Variants in DDX4 observed in about 807,000 individuals in gnomAD.
The protein encoded by DDX4 is DEAD-box helicase 4, also known as probable ATP-dependent RNA helicase DDX4.
In DDX4, 25 loss-of-function variants were observed where a neutral mutation model predicts 100.0. The observed-to-expected ratio is 0.25, with a 90% CI of 0.18 to 0.35. The LOEUF is 0.35. DDX4 is among the 10% of genes least tolerant of loss of function. DDX4 has a pLI of 1.00. For synonymous variants in DDX4, 259 were observed against 275.7 expected, an observed-to-expected ratio of 0.94 and a Z score of 0.60; for missense variants, 635 against 882.4, an observed-to-expected ratio of 0.72 and a Z score of 3.55.
In DDX4 at chr5:55,798,503, A is replaced by G. The variant is rs1477766612; in HGVS notation, c.1547A>G (p.Gln516Arg). 3 of 1,612,930 alleles carry G rather than the reference A, an allele frequency of 1.9e-6. No individual in the cohort carries two copies. Among genetic ancestry groups the G allele is most frequent in the Admixed American group, 3.3e-5 (2 of 59,926 alleles). ...GTGGGTGGAGCATGTAGAGATGTTC[A>G]GCAGACCGTTCTCCAAGTTGGCCAG... ...GQVGGACRDV[Q>R]QTVLQVGQFS... The change falls in exon 18 of 22, where the codon CAG (glutamine) becomes CGG (arginine). Residue 516 changes from glutamine (Q) to arginine (R), a missense_variant. Gln to Arg is a conservative substitution (Grantham distance 43). Around this residue, in one of 4 missense-constraint regions of DDX4, gnomAD observed 115 missense variants for 224.7 expected, o/e 0.51. Transcript: ENST00000505374.
rs147849325 is a variant in DDX4 at position 55,749,508 on chromosome 5, C to T, written c.127+3287C>T. On this transcript the variant is annotated intron_variant, in intron 3 of 21. Transcript: ENST00000505374. ...ATTAAAATCCTGGTTAGAAAGTCAG[C>T]TCTGTGCAGGGACGCACTGATGGGC... 5.9e-5 allele frequency among the ~76,000 whole-genome samples: 9 copies of T among 152,266 alleles called. No homozygotes were observed. The East Asian group carries it at 1.5e-3, about 26-fold the overall frequency.
chr5:55,764,000 T>A lies in DDX4; in HGVS notation c.284-14T>A, dbSNP rs776766491. 7.5e-6 allele frequency: 12 copies of A among 1,592,800 alleles called. No homozygotes were observed. In the South Asian group the frequency reaches 1.3e-4, roughly 18 times the overall value. On this transcript the variant is annotated splice_polypyrimidine_tract_variant and intron_variant, in intron 5 of 21. Transcript: ENST00000505374. ...AGAGGTACAGGAAATTGTTTCATTT[T>A]ATATTTTGTATAGGTTTTTCAAACA...
intron 18 of DDX4, among the ~76,000 whole-genome samples, chr5:55,805,653 C>G (rs1278479428): frequency 3.3e-5 from 5 of 152,178 alleles, no homozygotes; most frequent in African/African-American, 1.2e-4. Context: ...TTGAACCAGC[C>G]TTGCATCCCA....
intron 3 of DDX4, among the ~76,000 whole-genome samples, chr5:55,753,439 C>T (rs1010466468): frequency 1.1e-4 from 16 of 152,036 alleles, no homozygotes; most frequent in African/African-American, 3.6e-4. Flanking sequence ...ATCCTTTCCC[C>T]ATTGCTTGTT....
At chr5:55,773,125 C>A in intron 7 of DDX4, 1 of 152,812 alleles carries the variant, frequency 6.5e-6, no homozygotes, top group South Asian at 1.9e-4. Context: ...CCAGCAGATT[C>A]AGTGTCTGGT....
In DDX4 at chr5:55,771,619, A is replaced by G. The variant is rs971204142; in HGVS notation, c.394+3679A>G. Among the ~76,000 whole-genome samples, 43 of 152,294 alleles carry G rather than the reference A, an allele frequency of 2.8e-4. 1 individual carries two copies. The East Asian group carries it at 4.8e-3, about 17-fold the overall frequency. On this transcript the variant is annotated intron_variant, in intron 7 of 21. Transcript: ENST00000505374. Reference sequence around the variant, plus strand: ...AGAATTGCTAGGTCATAGGCTATATATATTTTTGGCTTTAATAGTATTGTC... The same window carrying G: ...AGAATTGCTAGGTCATAGGCTATATGTATTTTTGGCTTTAATAGTATTGTC...
chr5:55,815,010 G>A lies in DDX4; in HGVS notation c.1825G>A (p.Val609Met). Reference protein sequence around the residue: ...VAARGLDIENVQHVINFDLPS... With the variant: ...VAARGLDIENMQHVINFDLPS... ...TGCCAGAGGGCTGGATATTGAAAAT[G>A]TGCAACATGTTATCAATTTTGATCT... is the stretch of plus-strand genomic sequence containing the variant. The change falls in exon 20 of 22, where the codon GTG becomes ATG. Residue 609 changes from valine to methionine, a missense_variant. Val to Met is a conservative substitution (Grantham distance 21, BLOSUM62 1). Around this residue, in one of 4 missense-constraint regions of DDX4, gnomAD observed 115 missense variants for 224.7 expected, o/e 0.51. Coordinates refer to ENST00000505374, the MANE Select transcript of DDX4 (RefSeq NM_024415.3). 1 of 1,614,112 alleles carries A rather than the reference G, an allele frequency of 6.2e-7. No individual in the cohort carries two copies. The highest frequency in any genetic ancestry group is 8.5e-7 in the Non-Finnish European group (1 of 1,179,950).
rs376484094 is a variant in DDX4 at position 55,767,333 on chromosome 5, C to T, written c.335-548C>T. On this transcript the variant is annotated intron_variant, in intron 6 of 21. Coordinates refer to ENST00000505374, the MANE Select transcript of DDX4 (RefSeq NM_024415.3). ...GCGCATGCCTGTAATCCCAGCTACTCGGTAGGCTGAGGTGGGGATAATCGC... is the reference window on the plus strand; with the variant it reads ...GCGCATGCCTGTAATCCCAGCTACTTGGTAGGCTGAGGTGGGGATAATCGC... Among the ~76,000 whole-genome samples the T allele has an allele frequency of 5.3e-5, 8 of 152,254 alleles. No individual in the cohort carries two copies. The South Asian group carries it at 6.2e-4, about 12-fold the overall frequency.
At chr5:55,763,280 A>G (rs1398559275) in intron 5 of DDX4, 28 bp downstream of exon 5, 4 of 1,400,600 alleles carry the variant, frequency 2.9e-6, no homozygotes, top group African/African-American at 1.4e-5. Flanking sequence ...ATATCTTACA[A>G]TCAAAACTTG....
At position 55,803,011 on chromosome 5, in the gene DDX4, C is replaced by T. The variant is rs577317916; in HGVS notation, c.1615+4440C>T. ...ATGTGCACAACATGCAGGTTTGTTA[C>T]GTATGTATACATGTGCCATGTTGGT... On this transcript the variant is annotated intron_variant, in intron 18 of 21. Transcript: ENST00000505374. Among the ~76,000 whole-genome samples, 46 of 151,698 alleles carry T rather than the reference C, an allele frequency of 3.0e-4. No individual in the cohort carries two copies. In the East Asian group the frequency reaches 7.0e-3, roughly 23 times the overall value.
At chr5:55,768,177 T>C (rs894968565) in intron 7 of DDX4, 2 of 483,592 alleles carry the variant, frequency 4.1e-6, no homozygotes, top group Admixed American at 3.3e-5. Context: ...AGGTTTGTTA[T>C]CTAGGTAAAT....
intron 7 of DDX4, among the ~76,000 whole-genome samples, chr5:55,773,528 G>T (rs1463130741): frequency 1.3e-5 from 2 of 152,018 alleles, no homozygotes; most frequent in East Asian, 1.9e-4. Context: ...TGTTATGAGG[G>T]TTCTGATTTC....
intron 17 of DDX4, among the ~76,000 whole-genome samples, chr5:55,796,897 A>T (rs149211112): frequency 2.2e-3 from 272 of 124,610 alleles, no homozygotes; most frequent in African/African-American, 5.9e-3. Context: ...GCTGAAGTTC[A>T]GAGGCACAAT....
intron 3 of DDX4, among the ~76,000 whole-genome samples, chr5:55,756,759 AT>A (rs1759961350): frequency 1.3e-5 from 2 of 152,110 alleles, no homozygotes; most frequent in Admixed American, 1.3e-4. Flanking sequence ...CACTAAATTC[AT>A]TTTAAATGGA....
At chr5:55,763,562 AAG>A (rs1217447998) in intron 5 of DDX4, among the ~76,000 whole-genome samples, 2 of 152,138 alleles carry the variant, frequency 1.3e-5, no homozygotes, top group African/African-American at 4.8e-5. Context: ...CTTTTTAAAA[AAG>A]AGTAAACAAA....
At chr5:55,809,049 G>A (rs1345257617) in intron 18 of DDX4, among the ~76,000 whole-genome samples, 2 of 152,242 alleles carry the variant, frequency 1.3e-5, no homozygotes, top group Non-Finnish European at 2.9e-5. Flanking sequence ...CTGCTGCCTT[G>A]CAGTTTGATC....
chr5:55,790,457 T>A, intron 15 of DDX4, 119 bp from the exon 16 acceptor site: 1 of 732,850 alleles, frequency 1.4e-6, no homozygotes, highest in Non-Finnish European at 2.3e-6. Flanking sequence ...GAATTTAATA[T>A]TTTTTTAGAT....
intron 3 of DDX4, among the ~76,000 whole-genome samples, chr5:55,754,324 C>T (rs935854202): frequency 1.4e-4 from 18 of 133,054 alleles, no homozygotes; most frequent in African/African-American, 4.8e-4. Flanking sequence ...ATAGATAGCT[C>T]TTATTATTTT....
At chr5:55,743,498 C>T (rs1759094387) in intron 2 of DDX4, among the ~76,000 whole-genome samples, 1 of 152,268 alleles carries the variant, frequency 6.6e-6, no homozygotes, top group South Asian at 2.1e-4. Context: ...GGCGCAATCT[C>T]GGCTCCCTTC....
Sources: gnomAD v4.1 joint callset for allele counts (sites outside exome capture counted in the v4.1 genomes callset) on GRCh38, gnomAD v4.1.1 for gene constraint, gnomAD v4.1.1 regional missense constraint, MANE v1.5 for transcripts, NCBI Gene and HGNC (gene_info 2026-07-23, HGNC 2026-07-21) for gene names.